Variants in GRID1 observed in about 807,000 individuals in gnomAD.
GRID1 encodes glutamate receptor ionotropic, delta-1.
A neutral mutation model predicts 98.0 loss-of-function variants in GRID1; 28 were observed. The ratio of observed to expected loss-of-function variants is 0.29; its 90% CI spans 0.21 to 0.39. The LOEUF (loss-of-function observed/expected upper bound fraction) is 0.39. Among genes scored for constraint, GRID1 ranks in the 10% least tolerant of loss-of-function variants. The pLI is 1.00. For missense variants in GRID1, 1,111 were observed against 1,340.5 expected (o/e 0.83, Z 2.67); for synonymous variants, 553 against 538.5 (o/e 1.03, Z -0.37).
chr10:86,130,362 A>T (rs183819843), intron 4 of GRID1, among the ~76,000 whole-genome samples: 1 of 152,346 alleles, frequency 6.6e-6, no homozygotes, highest in East Asian at 1.9e-4. Flanking sequence ...CTCCACCCTC[A>T]AGCCTGGAAA....
At chr10:86,339,897 G>C (rs1044532568) in intron 2 of GRID1, among the ~76,000 whole-genome samples, 1 of 152,196 alleles carries the variant, frequency 6.6e-6, no homozygotes, top group Non-Finnish European at 1.5e-5. Flanking sequence ...CAACAACAAG[G>C]TTAACCCATC....
At chr10:85,882,161 T>C (rs1486140301) in intron 5 of GRID1, among the ~76,000 whole-genome samples, 2 of 152,176 alleles carry the variant, frequency 1.3e-5, no homozygotes, top group Non-Finnish European at 2.9e-5. Flanking sequence ...AGGAACACTT[T>C]TACACCATTG....
chr10:86,081,316 G>A (rs1253748542), intron 4 of GRID1, among the ~76,000 whole-genome samples: 4 of 152,152 alleles, frequency 2.6e-5, no homozygotes, highest in African/African-American at 9.7e-5. Context: ...CCTGAGAGCT[G>A]ACTGATATGA....
At chr10:85,986,074 T>C (rs970122410) in intron 4 of GRID1, among the ~76,000 whole-genome samples, 2 of 152,224 alleles carry the variant, frequency 1.3e-5, no homozygotes, top group African/African-American at 4.8e-5. Flanking sequence ...GCTCAATAAA[T>C]CCTGTTTAAT....
intron 4 of GRID1, among the ~76,000 whole-genome samples, chr10:86,119,665 G>C (rs966598489): frequency 4.6e-5 from 7 of 152,112 alleles, no homozygotes; most frequent in African/African-American, 1.4e-4. Flanking sequence ...TATTAGCACT[G>C]CCCTTCCTCC....
intron 5 of GRID1, among the ~76,000 whole-genome samples, chr10:85,877,434 T>C (rs555492769): frequency 2.6e-4 from 40 of 152,272 alleles, no homozygotes; most frequent in African/African-American, 9.6e-4. Context: ...GCAGCAGCAT[T>C]TGCGGGTCAC....
intron 4 of GRID1, among the ~76,000 whole-genome samples, chr10:86,063,366 C>G (rs904616892): frequency 2.0e-5 from 3 of 152,180 alleles, no homozygotes; most frequent in Non-Finnish European, 2.9e-5. Flanking sequence ...CAATGGAGAA[C>G]ATGGACTGAT....
intron 12 of GRID1, among the ~76,000 whole-genome samples, chr10:85,716,194 C>G (rs1226822699): frequency 6.6e-6 from 1 of 152,194 alleles, no homozygotes; most frequent in Non-Finnish European, 1.5e-5. Context: ...GCGTGAGACA[C>G]TGCACCCAGC....
intron 8 of GRID1, among the ~76,000 whole-genome samples, chr10:85,731,923 A>C (rs180677319): frequency 8.0e-6 from 1 of 124,614 alleles, no homozygotes; most frequent in East Asian, 2.1e-4. Context: ...GAAAGAAAGA[A>C]AGAGAGAGAG....
At chr10:85,679,553 A>C (rs747574120) in intron 12 of GRID1, among the ~76,000 whole-genome samples, 1 of 152,208 alleles carries the variant, frequency 6.6e-6, no homozygotes, top group African/African-American at 2.4e-5. Flanking sequence ...GGACAGATAC[A>C]GATATCAATG....
chr10:86,149,642 C>T (rs1392794265), intron 3 of GRID1, among the ~76,000 whole-genome samples: 3 of 152,144 alleles, frequency 2.0e-5, no homozygotes, highest in Non-Finnish European at 4.4e-5. Flanking sequence ...CTGGCACTTT[C>T]GAAAAAACAC....
intron 2 of GRID1, among the ~76,000 whole-genome samples, chr10:86,251,846 T>TTA (rs2132049574): frequency 6.6e-6 from 1 of 152,282 alleles, no homozygotes; most frequent in African/African-American, 2.4e-5. Flanking sequence ...CTGGGCTGTC[T>TTA]TAGAGTGCTC....
chr10:85,980,217 A>ATG (rs1842527988), intron 4 of GRID1, among the ~76,000 whole-genome samples: 1 of 152,174 alleles, frequency 6.6e-6, no homozygotes, highest in Non-Finnish European at 1.5e-5. Flanking sequence ...GGATTCCCCC[A>ATG]TGCCCATCTC....
chr10:85,712,822 T>C (rs567086605), intron 12 of GRID1, among the ~76,000 whole-genome samples: 19 of 151,380 alleles, frequency 1.3e-4, no homozygotes, highest in African/African-American at 4.6e-4. Flanking sequence ...AAACAACAAG[T>C]AGATCATAGA....
At chr10:86,090,503 T>C (rs1029147441) in intron 4 of GRID1, among the ~76,000 whole-genome samples, 4 of 150,322 alleles carry the variant, frequency 2.7e-5, no homozygotes, top group African/African-American at 4.9e-5. Flanking sequence ...AAAATGAACA[T>C]AGCCTCAGGA....
chr10:85,613,553 C>A lies in GRID1; in HGVS notation c.2455G>T (p.Ala819Ser), dbSNP rs781493433. 5 of 1,614,214 alleles carry A rather than the reference C, an allele frequency of 3.1e-6. No individual in the cohort carries two copies. In the South Asian group the frequency reaches 4.4e-5, roughly 14 times the overall value. The change falls in exon 15 of 16, where the codon GCC becomes TCC. Residue 819 changes from alanine (A) to serine (S), a missense_variant. Physicochemically the swap from Ala to Ser is moderately conservative, Grantham distance 99. Around this residue, in one of 3 missense-constraint regions of GRID1, gnomAD observed 762 missense variants for 869.1 expected, o/e 0.88. Coordinates refer to ENST00000327946, the MANE Select transcript of GRID1 (RefSeq NM_017551.3). ...GRCDLTSHAS[A>S]QADGKSLKLH... ...TTGAGGGATTTGCCGTCGGCCTGGGCGCTGGCATGGCTGGTGAGGTCACAG... is the reference window on the plus strand; with the variant it reads ...TTGAGGGATTTGCCGTCGGCCTGGGAGCTGGCATGGCTGGTGAGGTCACAG...
At chr10:85,949,905 G>GGGATGGATGGATGGATGGAT (rs35077466) in intron 4 of GRID1, among the ~76,000 whole-genome samples, 3 of 149,748 alleles carry the variant, frequency 2.0e-5, no homozygotes, top group African/African-American at 5.0e-5. Context: ...GAGAACTATA[G>GGGATGGATGGATGGATGGAT]GGATGGATGG....
Position 85,602,558 on chromosome 10 carries a change from C to T in GRID1, c.2745G>A (p.Glu915=). The T allele has an allele frequency of 1.2e-6, 2 of 1,614,108 alleles. No individual in the cohort carries two copies. Among genetic ancestry groups the T allele is most frequent in the South Asian group, 1.1e-5 (1 of 91,070 alleles). Residue 915 remains glutamate (E), a synonymous_variant, in exon 16 of 16, where the codon GAG becomes GAA. Coordinates refer to ENST00000327946, the MANE Select transcript of GRID1 (RefSeq NM_017551.3). The stretch of plus-strand genomic sequence containing the variant: ...GGGTGTTCTGGTACTCCCGTGTCGG[C>T]TCCAAGGTCTGGGTGGGAGCCAGGC... ...MGGLAPTQTL[E]PTREYQNTQL...
chr10:86,054,359 C>T (rs780265138), intron 4 of GRID1, among the ~76,000 whole-genome samples: 4 of 152,142 alleles, frequency 2.6e-5, no homozygotes, highest in African/African-American at 4.8e-5. Flanking sequence ...CCAGCTGATG[C>T]GGTTGGTCTT....
Sources: gnomAD v4.1 joint callset for allele counts (sites outside exome capture counted in the v4.1 genomes callset) on GRCh38, gnomAD v4.1.1 for gene constraint, gnomAD v4.1.1 regional missense constraint, MANE v1.5 for transcripts, NCBI Gene and HGNC (gene_info 2026-07-23, HGNC 2026-07-21) for gene names.